The following SGCZ variants were observed in gnomAD, a reference collection of about 807,000 sequenced individuals.
SGCZ encodes zeta-sarcoglycan.
Under a neutral mutation model 41.3 loss-of-function variants are expected in SGCZ, and 40 were observed. That is an observed-to-expected ratio of 0.97 (90% CI 0.75 to 1.26). SGCZ has a LOEUF of 1.26. SGCZ is among the 50% of genes most tolerant of loss of function. SGCZ has a pLI of 0.00. For synonymous variants in SGCZ, 206 were observed against 137.5 expected, an observed-to-expected ratio of 1.50 and a Z score of -3.49; for missense variants, 552 against 369.8, an observed-to-expected ratio of 1.49 and a Z score of -4.04.
chr8:14,275,297 T>G (rs1335896277), intron 3 of SGCZ, among the ~76,000 whole-genome samples: 4 of 152,182 alleles, frequency 2.6e-5, no homozygotes, highest in Non-Finnish European at 5.9e-5. Context: ...GGATGACTTC[T>G]TCCCTATCCC....
chr8:14,464,084 T>C (rs1800978994), intron 2 of SGCZ, among the ~76,000 whole-genome samples: 1 of 151,702 alleles, frequency 6.6e-6, no homozygotes, highest in South Asian at 2.1e-4. Flanking sequence ...AGTTTTTGTA[T>C]CTTGTATTTT....
chr8:14,751,401 A>G (rs1160140884), intron 1 of SGCZ, among the ~76,000 whole-genome samples: 1 of 152,190 alleles, frequency 6.6e-6, no homozygotes, highest in East Asian at 1.9e-4. Flanking sequence ...TTTATACCAT[A>G]TGACATCTTA....
At position 15,213,526 on chromosome 8, in the gene SGCZ, T is replaced by C. The variant is rs941938504; in HGVS notation, c.39+24059A>G. On this transcript the variant is annotated intron_variant, in intron 1 of 7. Transcript: ENST00000382080. Reference sequence around the variant, plus strand: ...TTATATTAAATATTAAAAACCTGTCTAGTATCTTTCTATTTGCTATGCATT... The same window carrying C: ...TTATATTAAATATTAAAAACCTGTCCAGTATCTTTCTATTTGCTATGCATT... 5.3e-5 allele frequency among the ~76,000 whole-genome samples: 8 copies of C among 151,488 alleles called. No homozygotes were observed. The South Asian group carries it at 1.7e-3, about 31-fold the overall frequency.
intron 1 of SGCZ, among the ~76,000 whole-genome samples, chr8:15,001,922 A>T (rs1356343274): frequency 6.6e-6 from 1 of 152,144 alleles, no homozygotes; most frequent in Non-Finnish European, 1.5e-5. Flanking sequence ...CATGCTAGGC[A>T]GTTTGATTCC....
chr8:14,846,633 AG>A (rs1302586595), intron 1 of SGCZ, among the ~76,000 whole-genome samples: 3 of 151,506 alleles, frequency 2.0e-5, no homozygotes, highest in Non-Finnish European at 4.4e-5. Flanking sequence ...TCCCTCCAGA[AG>A]AAATAGAAAA....
intron 2 of SGCZ, among the ~76,000 whole-genome samples, chr8:14,434,036 C>T (rs1345242232): frequency 6.6e-6 from 1 of 152,108 alleles, no homozygotes. Flanking sequence ...TCATGAAATC[C>T]TTGCCTAAGC....
chr8:14,143,059 A>C (rs1803418656), intron 5 of SGCZ, among the ~76,000 whole-genome samples: 1 of 152,150 alleles, frequency 6.6e-6, no homozygotes. Context: ...AAAAAGAAAA[A>C]TCATATGATT....
intron 1 of SGCZ, among the ~76,000 whole-genome samples, chr8:14,898,372 G>C (rs886336780): frequency 6.6e-6 from 1 of 152,314 alleles, no homozygotes; most frequent in East Asian, 1.9e-4. Flanking sequence ...AAACAGCCGA[G>C]GCTGCCGCTG....
intron 1 of SGCZ, among the ~76,000 whole-genome samples, chr8:14,564,314 T>C (rs1804293358): frequency 2.3e-5 from 1 of 43,694 alleles, no homozygotes; most frequent in Non-Finnish European, 7.1e-5. Flanking sequence ...CATTAGGTGT[T>C]GATCATATTT....
intron 2 of SGCZ, among the ~76,000 whole-genome samples, chr8:14,378,337 C>T (rs929281234): frequency 1.3e-5 from 2 of 152,092 alleles, no homozygotes; most frequent in African/African-American, 4.8e-5. Context: ...TCTTAGAAAA[C>T]CTAGGCAATA....
At chr8:14,999,249 C>A (rs914212964) in intron 1 of SGCZ, among the ~76,000 whole-genome samples, 4 of 152,126 alleles carry the variant, frequency 2.6e-5, no homozygotes, top group African/African-American at 9.7e-5. Context: ...GAAACAAGGT[C>A]AAGCTATCTT....
chr8:15,135,086 A>G (rs1042213977), intron 1 of SGCZ, among the ~76,000 whole-genome samples: 3 of 152,150 alleles, frequency 2.0e-5, no homozygotes, highest in African/African-American at 7.2e-5. Context: ...ATGGTTCCCT[A>G]CAGCTTTCAG....
chr8:15,199,402 T>A (rs1465225856), intron 1 of SGCZ, among the ~76,000 whole-genome samples: 1 of 152,208 alleles, frequency 6.6e-6, no homozygotes, highest in Non-Finnish European at 1.5e-5. Context: ...ATTTCTAATG[T>A]TTAATTTTTT....
At chr8:15,212,030 A>G (rs1801251692) in intron 1 of SGCZ, among the ~76,000 whole-genome samples, 1 of 151,816 alleles carries the variant, frequency 6.6e-6, no homozygotes, top group African/African-American at 2.4e-5. Context: ...ACATTAGTCA[A>G]GTTGCTCACA....
At chr8:14,856,324 AGGCC>A (rs1803544121) in intron 1 of SGCZ, among the ~76,000 whole-genome samples, 1 of 152,212 alleles carries the variant, frequency 6.6e-6, no homozygotes, top group South Asian at 2.1e-4. Context: ...TGGGAAGGAC[AGGCC>A]CTTGCTCTTT....
chr8:14,873,610 C>G (rs1441736421), intron 1 of SGCZ, among the ~76,000 whole-genome samples: 1 of 152,072 alleles, frequency 6.6e-6, no homozygotes, highest in Non-Finnish European at 1.5e-5. Flanking sequence ...GGACTTAACT[C>G]ATCAGTAGAA....
intron 1 of SGCZ, among the ~76,000 whole-genome samples, chr8:14,806,513 T>C (rs964356229): frequency 6.6e-6 from 1 of 152,102 alleles, no homozygotes; most frequent in East Asian, 1.9e-4. Flanking sequence ...CACATACACT[T>C]TCCCAAGACT....
At chr8:14,448,269 G>C (rs528803442) in intron 2 of SGCZ, among the ~76,000 whole-genome samples, 1 of 152,084 alleles carries the variant, frequency 6.6e-6, no homozygotes, top group Non-Finnish European at 1.5e-5. Flanking sequence ...TCTAAAATGA[G>C]GATACATATT....
At chr8:14,351,841 A>C (rs1420995474) in intron 2 of SGCZ, among the ~76,000 whole-genome samples, 2 of 152,068 alleles carry the variant, frequency 1.3e-5, no homozygotes, top group African/African-American at 4.8e-5. Context: ...AATAGGCATA[A>C]AAGCTAAGCA....
Sources: allele counts gnomAD v4.1 joint callset (sites outside exome capture counted in the v4.1 genomes callset), GRCh38; gene constraint gnomAD v4.1.1; transcripts MANE v1.5; gene names NCBI Gene and HGNC (gene_info 2026-07-23, HGNC 2026-07-21).